Variants in PTPRG observed in about 807,000 individuals in gnomAD.
The protein encoded by PTPRG is receptor-type tyrosine-protein phosphatase gamma.
A neutral mutation model predicts 165.3 loss-of-function variants in PTPRG; 102 were observed. That is an observed-to-expected ratio of 0.62 (90% confidence interval 0.53 to 0.73). The LOEUF is 0.73. Ranked by LOEUF, PTPRG falls within the 30% of genes least tolerant of loss-of-function variation. The pLI is 0.00. For synonymous variants in PTPRG, 675 were observed against 669.5 expected (o/e 1.01, Z -0.13); for missense variants, 1,866 against 1,861.4 (o/e 1.00, Z -0.05).
intron 5 of PTPRG, 42 bp from the exon 6 acceptor site, chr3:62,132,560 T>C: frequency 2.0e-6 from 3 of 1,469,658 alleles, no homozygotes; most frequent in Non-Finnish European, 2.9e-6. Context: ...TTGTGCCTGA[T>C]GCCAGAATAG....
chr3:61,925,738 A>C, intron 2 of PTPRG, among the ~76,000 whole-genome samples: 1 of 128,432 alleles, frequency 7.8e-6, no homozygotes, highest in South Asian at 2.9e-4. Flanking sequence ...ATGAGACTCT[A>C]TCTTTAAAAA....
At chr3:61,705,393 C>T (rs1328941580) in intron 1 of PTPRG, among the ~76,000 whole-genome samples, 3 of 152,030 alleles carry the variant, frequency 2.0e-5, no homozygotes, top group Non-Finnish European at 4.4e-5. Context: ...ATTATTTGCT[C>T]AAGGCTGCTA....
chr3:61,905,469 A>C (rs190445276), intron 2 of PTPRG, among the ~76,000 whole-genome samples: 47 of 152,286 alleles, frequency 3.1e-4, no homozygotes, highest in African/African-American at 8.9e-4. Context: ...TTGTCTTTCA[A>C]AACTTCATGT....
rs750005750 is a variant in PTPRG at position 62,112,618 on chromosome 3, G to A, written c.616-19984G>A. On this transcript the variant is annotated intron_variant, in intron 5 of 29. Coordinates refer to ENST00000474889, the MANE Select transcript of PTPRG (RefSeq NM_002841.4). ...GTTACTATTATTTGAGGAACAGATT[G>A]CTTCTAGCATTTGAGGTAGACCTTT... Among the ~76,000 whole-genome samples the A allele has an allele frequency of 8.2e-4, 125 of 152,306 alleles. 2 individuals carry two copies. The highest frequency in any genetic ancestry group is 9.1e-4 in the Admixed American group (14 of 15,306).
At chr3:61,563,892 C>T (rs892993828) in intron 1 of PTPRG, among the ~76,000 whole-genome samples, 1 of 152,212 alleles carries the variant, frequency 6.6e-6, no homozygotes. Flanking sequence ...AAAACACCGT[C>T]TGGTATTCTG....
chr3:61,865,673 T>C (rs1203457642), intron 2 of PTPRG, among the ~76,000 whole-genome samples: 2 of 152,214 alleles, frequency 1.3e-5, no homozygotes, highest in Non-Finnish European at 2.9e-5. Flanking sequence ...TTACACCACA[T>C]GAGCATGACA....
chr3:61,905,631 G>A (rs536922698), intron 2 of PTPRG, among the ~76,000 whole-genome samples: 1 of 152,186 alleles, frequency 6.6e-6, no homozygotes, highest in East Asian at 1.9e-4. Flanking sequence ...GTTTTGGTCT[G>A]TATTTCAGTT....
chr3:61,773,393 A>G (rs527272201), intron 2 of PTPRG, among the ~76,000 whole-genome samples: 6 of 152,190 alleles, frequency 3.9e-5, no homozygotes, highest in Non-Finnish European at 7.4e-5. Context: ...TAGCAATGTA[A>G]TAATAATAAA....
At chr3:61,923,192 A>T (rs1158606251) in intron 2 of PTPRG, among the ~76,000 whole-genome samples, 1 of 152,140 alleles carries the variant, frequency 6.6e-6, no homozygotes, top group African/African-American at 2.4e-5. Context: ...TGAGCCCATT[A>T]ACTATTGTGT....
chr3:62,007,014 A>G (rs934657869), intron 4 of PTPRG, among the ~76,000 whole-genome samples: 3 of 152,190 alleles, frequency 2.0e-5, no homozygotes, highest in Non-Finnish European at 2.9e-5. Flanking sequence ...TTTAGAGAGT[A>G]AATGTACCTT....
At chr3:61,581,008 T>G (rs1024915201) in intron 1 of PTPRG, among the ~76,000 whole-genome samples, 6 of 152,244 alleles carry the variant, frequency 3.9e-5, no homozygotes, top group Non-Finnish European at 8.8e-5. Context: ...ATAGCAGACA[T>G]GCCTTCTTGC....
intron 8 of PTPRG, among the ~76,000 whole-genome samples, chr3:62,173,338 A>G (rs1281860989): frequency 3.3e-5 from 5 of 152,104 alleles, no homozygotes; most frequent in Admixed American, 6.5e-5. Context: ...ACTGTACTCA[A>G]TTCTACCAGT....
At chr3:61,759,793 CT>C (rs960919374) in intron 2 of PTPRG, among the ~76,000 whole-genome samples, 2 of 151,310 alleles carry the variant, frequency 1.3e-5, no homozygotes, top group Non-Finnish European at 2.9e-5. Context: ...GTCATTTCTT[CT>C]TGAGGTTTTT....
At chr3:61,633,469 A>C (rs1339879622) in intron 1 of PTPRG, among the ~76,000 whole-genome samples, 2 of 152,214 alleles carry the variant, frequency 1.3e-5, no homozygotes, top group Non-Finnish European at 2.9e-5. Context: ...GAAACATTTT[A>C]ATTTAATTTT....
intron 21 of PTPRG, among the ~76,000 whole-genome samples, chr3:62,272,324 A>G (rs1486118248): frequency 6.6e-6 from 1 of 152,194 alleles, no homozygotes; most frequent in East Asian, 1.9e-4. Context: ...CATATAAAAT[A>G]CCTTTTCAAA....
intron 1 of PTPRG, among the ~76,000 whole-genome samples, chr3:61,708,642 A>G (rs2106737537): frequency 1.3e-5 from 2 of 151,694 alleles, no homozygotes; most frequent in South Asian, 4.2e-4. Context: ...ATTTTTTAGT[A>G]GAGATGGGGT....
chr3:61,810,376 T>C (rs1468753326), intron 2 of PTPRG, among the ~76,000 whole-genome samples: 1 of 152,044 alleles, frequency 6.6e-6, no homozygotes, highest in Non-Finnish European at 1.5e-5. Flanking sequence ...ATTTGGAAGA[T>C]GACAGTAAAA....
At chr3:61,794,400 C>A (rs912860726) in intron 2 of PTPRG, among the ~76,000 whole-genome samples, 1 of 152,080 alleles carries the variant, frequency 6.6e-6, no homozygotes, top group African/African-American at 2.4e-5. Context: ...TTTGGCTCTC[C>A]TTTTCTGACA....
chr3:62,039,656 A>G (rs1330359694), intron 4 of PTPRG, among the ~76,000 whole-genome samples: 1 of 152,234 alleles, frequency 6.6e-6, no homozygotes, highest in Non-Finnish European at 1.5e-5. Flanking sequence ...TAGATAGATC[A>G]TTTAAACAAA....
Sources: gnomAD v4.1 joint callset for allele counts (sites outside exome capture counted in the v4.1 genomes callset) on GRCh38, gnomAD v4.1.1 for gene constraint, MANE v1.5 for transcripts, NCBI Gene and HGNC (gene_info 2026-07-23, HGNC 2026-07-21) for gene names.